DOCK9: variants seen among roughly 807,000 people sequenced by gnomAD.
The protein encoded by DOCK9 is dedicator of cytokinesis protein 9.
Under a neutral mutation model 263.3 loss-of-function variants are expected in DOCK9, and 89 were observed. The ratio of observed to expected loss-of-function variants is 0.34; its 90% confidence interval spans 0.28 to 0.40. The LOEUF (loss-of-function observed/expected upper bound fraction) is 0.40, where lower values mean the gene tolerates loss of function less well. Among genes scored for constraint, DOCK9 ranks in the 10% least tolerant of loss-of-function variants. DOCK9 has a pLI of 1.00. For synonymous variants in DOCK9, 976 were observed against 973.1 expected, an observed-to-expected ratio of 1.00 and a Z score of -0.06; for missense variants, 2,140 against 2,603.4, an observed-to-expected ratio of 0.82 and a Z score of 3.87.
intron 34 of DOCK9, 92 bp from the exon 35 acceptor site, chr13:98,853,614 C>T: frequency 1.1e-6 from 1 of 916,744 alleles, no homozygotes; most frequent in East Asian, 2.4e-5. Context: ...CTCTTAGAAT[C>T]AAGTCAGATC....
intron 2 of DOCK9, among the ~76,000 whole-genome samples, chr13:98,948,911 CATTTTTT>C (rs1455817023): frequency 1.3e-5 from 2 of 152,160 alleles, no homozygotes; most frequent in African/African-American, 4.8e-5. Flanking sequence ...AATAATATTC[CATTTTTT>C]GTAAACACCA....
chr13:98,927,338 T>A (rs2053132396), intron 3 of DOCK9, among the ~76,000 whole-genome samples: 1 of 152,190 alleles, frequency 6.6e-6, no homozygotes, highest in African/African-American at 2.4e-5. Context: ...GAATAATCCA[T>A]AGTTTTGGAT....
rs1238838149 is a variant in DOCK9, at chr13:98,829,415, C to A, written c.4857G>T (p.Val1619=). Residue 1619 remains valine, a synonymous_variant, in exon 43 of 53, where the codon GTG becomes GTT. Coordinates refer to ENST00000682017, the MANE Select transcript of DOCK9 (RefSeq NM_001366683.2). This position sits in a 1 kb window ranked among gnomAD's most constrained non-coding sequence, Gnocchi z 4.1. ...KEHENDPEML[V]DLQYSLAKSY... ...ATTTGGCCAGGCTGTACTGGAGGTCCACCAGCATCTCTGGGTCGTTCTCAT... is the reference window on the plus strand; with the variant it reads ...ATTTGGCCAGGCTGTACTGGAGGTCAACCAGCATCTCTGGGTCGTTCTCAT... The A allele has an allele frequency of 5.6e-6, 9 of 1,613,822 alleles. No homozygotes were observed. In the South Asian group the frequency reaches 9.9e-5, roughly 18 times the overall value.
intron 45 of DOCK9, among the ~76,000 whole-genome samples, chr13:98,812,077 T>C (rs1409683588): frequency 6.6e-6 from 1 of 151,790 alleles, no homozygotes; most frequent in African/African-American, 2.4e-5. Context: ...TTCTGGACTC[T>C]CTGTTTTGTT....
intron 2 of DOCK9, among the ~76,000 whole-genome samples, chr13:98,941,839 G>A (rs2055907522): frequency 6.6e-6 from 1 of 152,220 alleles, no homozygotes. Context: ...AAGCTCCCTA[G>A]TAACCTGGCG....
rs1347493260 is a variant in DOCK9, at chr13:99,008,241, T to A, written c.130-52690A>T. On this transcript the variant is annotated intron_variant, in intron 1 of 32. Transcript: ENST00000427887. ...ATATATATATATATATATATTTTTTTTTTTTTTTGAGACGAAGTCTCATTC... is the reference window on the plus strand; with the variant it reads ...ATATATATATATATATATATTTTTTATTTTTTTTGAGACGAAGTCTCATTC... Among the ~76,000 whole-genome samples, 11 of 144,898 alleles carry A rather than the reference T, an allele frequency of 7.6e-5. No individual in the cohort carries two copies. In the South Asian group the frequency reaches 2.2e-3, roughly 29 times the overall value.
intron 13 of DOCK9, among the ~76,000 whole-genome samples, chr13:98,899,597 T>C (rs1382656689): frequency 2.0e-5 from 3 of 152,160 alleles, no homozygotes; most frequent in Non-Finnish European, 1.5e-5. Flanking sequence ...AGTGGGGTCT[T>C]AGGTGTATGA....
chr13:98,800,379 T>C lies in DOCK9; in HGVS notation c.5825A>G (p.Lys1942Arg). 1 of 1,613,922 alleles carries C rather than the reference T, an allele frequency of 6.2e-7. No individual in the cohort carries two copies. The highest frequency in any genetic ancestry group is 2.2e-5 in the East Asian group (1 of 44,876). Residue 1942 changes from lysine (K) to arginine (R), a missense_variant, in exon 50 of 53, where the codon AAG becomes AGG. By Grantham distance (26) the Lys-to-Arg change is conservative (BLOSUM62 2). Around this residue, in one of 2 missense-constraint regions of DOCK9, gnomAD observed 619 missense variants for 861.8 expected, o/e 0.72. Coordinates refer to ENST00000682017, the MANE Select transcript of DOCK9 (RefSeq NM_001366683.2). ...PIEVAIDEMS[K>R]KVAELRQLCS... Reference sequence around the variant, plus strand: ...CAGCTGCCGGAGCTCCGCCACCTTCTTACTCATCTCGTCAATGGCCACCTC... The same window carrying C: ...CAGCTGCCGGAGCTCCGCCACCTTCCTACTCATCTCGTCAATGGCCACCTC...
At chr13:98,892,799 C>T (rs1378507778) in intron 15 of DOCK9, among the ~76,000 whole-genome samples, 3 of 152,170 alleles carry the variant, frequency 2.0e-5, no homozygotes, top group East Asian at 1.9e-4. Context: ...AGAGGGAACA[C>T]GGGATGAGAT....
chr13:98,913,392 C>A (rs2050373429), intron 9 of DOCK9, among the ~76,000 whole-genome samples: 1 of 151,774 alleles, frequency 6.6e-6, no homozygotes, highest in Non-Finnish European at 1.5e-5. Flanking sequence ...GACACAAGTA[C>A]AAGGACAGTC....
intron 30 of DOCK9, among the ~76,000 whole-genome samples, chr13:98,866,245 G>A (rs1251756667): frequency 6.6e-6 from 1 of 152,142 alleles, no homozygotes; most frequent in African/African-American, 2.4e-5. Context: ...TCATCCAGGT[G>A]TATGTAGAAT....
chr13:99,085,475 T>A (rs970655372), intron 1 of DOCK9, among the ~76,000 whole-genome samples: 1 of 152,176 alleles, frequency 6.6e-6, no homozygotes, highest in African/African-American at 2.4e-5. Context: ...AAAAAGTTAA[T>A]CGAAAACTTC....
chr13:98,982,092 T>C (rs1244367543), upstream of DOCK9, among the ~76,000 whole-genome samples: 1 of 152,188 alleles, frequency 6.6e-6, no homozygotes, highest in African/African-American at 2.4e-5. Flanking sequence ...GTAAACCCTG[T>C]GGGGAAGAGG....
intron 1 of DOCK9, among the ~76,000 whole-genome samples, chr13:99,010,924 G>A (rs1047186796): frequency 6.6e-6 from 1 of 152,146 alleles, no homozygotes; most frequent in African/African-American, 2.4e-5. Flanking sequence ...CTGAGTCAGG[G>A]TCTCACTCAG....
chr13:99,080,041 G>GATAA (rs759638839), intron 1 of DOCK9, among the ~76,000 whole-genome samples: 14 of 152,052 alleles, frequency 9.2e-5, no homozygotes, highest in Non-Finnish European at 8.8e-5. Context: ...CTCCATCTCA[G>GATAA]ATAAATAAAT....
At chr13:98,874,348 T>C (rs2094271288) in intron 27 of DOCK9, among the ~76,000 whole-genome samples, 1 of 152,240 alleles carries the variant, frequency 6.6e-6, no homozygotes, top group Non-Finnish European at 1.5e-5. Flanking sequence ...CTAAGTAGCA[T>C]TCTATTGTGT....
upstream of DOCK9, among the ~76,000 whole-genome samples, chr13:98,979,183 G>GTAGTAC: frequency 2.2e-5 from 2 of 89,140 alleles, no homozygotes; most frequent in Admixed American, 1.3e-4. Context: ...AGCAGCAATA[G>GTAGTAC]TAGTAGTAGT....
chr13:99,003,845 T>C (rs572300802), intron 1 of DOCK9, among the ~76,000 whole-genome samples: 3 of 152,148 alleles, frequency 2.0e-5, no homozygotes, highest in Non-Finnish European at 4.4e-5. Flanking sequence ...CAGTATGAGA[T>C]TCATTAAAAA....
intron 1 of DOCK9, among the ~76,000 whole-genome samples, chr13:99,070,015 CT>C (rs914368504): frequency 4.6e-5 from 7 of 151,690 alleles, no homozygotes; most frequent in East Asian, 1.9e-4. Context: ...CAAAGATAGA[CT>C]TTTTTTTTCT....
Sources: allele counts gnomAD v4.1 joint callset (sites outside exome capture counted in the v4.1 genomes callset), GRCh38; gene constraint gnomAD v4.1.1; regional missense constraint gnomAD v4.1.1; non-coding constraint Gnocchi (gnomAD v3.1); transcripts MANE v1.5; gene names NCBI Gene and HGNC (gene_info 2026-07-23, HGNC 2026-07-21).